The following ARL15 variants were observed in gnomAD, a reference collection of about 807,000 sequenced individuals.
ARL15 encodes the protein ARF like GTPase 15.
Under a neutral mutation model 25.2 loss-of-function variants are expected in ARL15, and 19 were observed. The ratio of observed to expected loss-of-function variants is 0.75; its 90% CI spans 0.53 to 1.10. ARL15 has a LOEUF of 1.10. ARL15 is among the 50% of genes least tolerant of loss of function. ARL15 has a pLI of 0.00. For synonymous variants in ARL15, 94 were observed against 86.8 expected, an observed-to-expected ratio of 1.08 and a Z score of -0.46; for missense variants, 220 against 246.0, an observed-to-expected ratio of 0.89 and a Z score of 0.71.
intron 2 of ARL15, among the ~76,000 whole-genome samples, chr5:54,170,191 T>A (rs933236799): frequency 1.3e-5 from 2 of 152,090 alleles, no homozygotes; most frequent in African/African-American, 4.8e-5. Flanking sequence ...CCAACTACAC[T>A]AGGCTTTGTC....
intron 4 of ARL15, among the ~76,000 whole-genome samples, chr5:53,892,507 C>T (rs912425711): frequency 3.3e-5 from 5 of 152,050 alleles, no homozygotes; most frequent in African/African-American, 1.2e-4. Context: ...TACACAGTGT[C>T]CATTGCATGG....
intron 1 of ARL15, among the ~76,000 whole-genome samples, chr5:54,194,673 G>A (rs1452367311): frequency 1.3e-5 from 2 of 152,156 alleles, no homozygotes; most frequent in African/African-American, 4.8e-5. Flanking sequence ...TAGCTTTGTG[G>A]TAACGTGAGG....
intron 1 of ARL15, among the ~76,000 whole-genome samples, chr5:54,195,476 C>G (rs1303363209): frequency 6.6e-6 from 1 of 152,180 alleles, no homozygotes; most frequent in Non-Finnish European, 1.5e-5. Context: ...ACTAATCTGA[C>G]AGTTGGCCCA....
intron 1 of ARL15, among the ~76,000 whole-genome samples, chr5:54,265,200 C>T (rs191272649): frequency 6.6e-6 from 1 of 152,184 alleles, no homozygotes; most frequent in Non-Finnish European, 1.5e-5. Context: ...TCCCTTTCAA[C>T]ATTTTTGCTT....
chr5:54,156,402 A>C (rs1359616104), intron 2 of ARL15, among the ~76,000 whole-genome samples: 1 of 152,230 alleles, frequency 6.6e-6, no homozygotes, highest in African/African-American at 2.4e-5. Flanking sequence ...AAGATAATGT[A>C]TGTGTTATGT....
intron 4 of ARL15, among the ~76,000 whole-genome samples, chr5:53,964,155 A>G (rs1341232798): frequency 6.6e-6 from 1 of 151,986 alleles, no homozygotes; most frequent in Non-Finnish European, 1.5e-5. Flanking sequence ...TTCCTCCCTC[A>G]TCTTGGACAG....
At chr5:54,180,019 A>G (rs1004611994) in intron 1 of ARL15, among the ~76,000 whole-genome samples, 1 of 18,388 alleles carries the variant, frequency 5.4e-5, no homozygotes, top group Non-Finnish European at 1.2e-4. Flanking sequence ...CTGTCTCGAG[A>G]AAAAAAAAAA....
intron 1 of ARL15, among the ~76,000 whole-genome samples, chr5:54,184,150 A>G (rs1755153033): frequency 7.7e-6 from 1 of 130,026 alleles, no homozygotes; most frequent in African/African-American, 2.9e-5. Flanking sequence ...CCTAATGCTA[A>G]ATGACGAATT....
chr5:54,230,679 T>C (rs1335289698), intron 1 of ARL15, among the ~76,000 whole-genome samples: 1 of 152,174 alleles, frequency 6.6e-6, no homozygotes, highest in Non-Finnish European at 1.5e-5. Flanking sequence ...AAGTCTTCCC[T>C]GTAATCCTGT....
At chr5:54,067,566 C>T (rs1561210409) in intron 4 of ARL15, among the ~76,000 whole-genome samples, 1 of 152,166 alleles carries the variant, frequency 6.6e-6, no homozygotes, top group Non-Finnish European at 1.5e-5. Flanking sequence ...TTTATTGATG[C>T]TATAAGGAAG....
chr5:54,291,687 AT>A (rs1758322406), intron 1 of ARL15, among the ~76,000 whole-genome samples: 2 of 152,172 alleles, frequency 1.3e-5, no homozygotes, highest in Non-Finnish European at 2.9e-5. Flanking sequence ...TGGAATGTGG[AT>A]GAGTCTCCTG....
At chr5:54,225,304 GA>G (rs1406171793) in intron 1 of ARL15, among the ~76,000 whole-genome samples, 1 of 152,162 alleles carries the variant, frequency 6.6e-6, no homozygotes, top group Non-Finnish European at 1.5e-5. Context: ...CTAGCGGAGA[GA>G]AGCAAAGCGC....
intron 4 of ARL15, among the ~76,000 whole-genome samples, chr5:54,035,524 A>G (rs955294662): frequency 2.6e-5 from 4 of 152,186 alleles, no homozygotes. Context: ...GGAAAACATA[A>G]CTCTTTTGAA....
At position 54,310,552 on chromosome 5, in the gene ARL15, A is replaced by C; in HGVS notation, c.-73T>G. On this transcript the variant is annotated 5_prime_UTR_variant, in exon 1 of 5. Coordinates refer to ENST00000504924, the MANE Select transcript of ARL15 (RefSeq NM_019087.3). Reference sequence around the variant, plus strand: ...GCAGCGTCTCTGGCTGCGAGCGAGCAGCTCCTGAAAAAGCCAGCAACAGCG... The same window carrying C: ...GCAGCGTCTCTGGCTGCGAGCGAGCCGCTCCTGAAAAAGCCAGCAACAGCG... The C allele has an allele frequency of 6.6e-7, 1 of 1,513,804 alleles. No individual in the cohort carries two copies. The highest frequency in any genetic ancestry group is 8.9e-7 in the Non-Finnish European group (1 of 1,119,488). 93.8% of individuals were successfully genotyped at this position (1,513,804 alleles called of 1,614,324 possible).
intron 4 of ARL15, among the ~76,000 whole-genome samples, chr5:53,952,725 T>C (rs966267336): frequency 1.3e-5 from 2 of 152,206 alleles, no homozygotes; most frequent in African/African-American, 4.8e-5. Context: ...AACTCTGTTA[T>C]TGTGCCAATG....
At chr5:53,962,192 T>A (rs1747391483) in intron 4 of ARL15, among the ~76,000 whole-genome samples, 1 of 152,200 alleles carries the variant, frequency 6.6e-6, no homozygotes, top group Non-Finnish European at 1.5e-5. Context: ...ATTTGTACTC[T>A]AGCTAACAGT....
chr5:53,897,757 CTTGA>C (rs1307612585), intron 4 of ARL15, among the ~76,000 whole-genome samples: 4 of 152,066 alleles, frequency 2.6e-5, no homozygotes, highest in Non-Finnish European at 4.4e-5. Context: ...ATAAACTATG[CTTGA>C]TTATCATATA....
intron 4 of ARL15, among the ~76,000 whole-genome samples, chr5:53,985,666 A>G (rs1748273142): frequency 6.6e-6 from 1 of 152,172 alleles, no homozygotes; most frequent in Non-Finnish European, 1.5e-5. Flanking sequence ...GCTTAATAAC[A>G]TTCCATTGCA....
At chr5:54,092,479 A>T (rs1300006320) in intron 4 of ARL15, among the ~76,000 whole-genome samples, 2 of 152,226 alleles carry the variant, frequency 1.3e-5, no homozygotes, top group Non-Finnish European at 2.9e-5. Flanking sequence ...CAAACAAAAA[A>T]TAAAAAATAG....
Sources: allele counts gnomAD v4.1 joint callset (sites outside exome capture counted in the v4.1 genomes callset), GRCh38; gene constraint gnomAD v4.1.1; transcripts MANE v1.5; gene names NCBI Gene and HGNC (gene_info 2026-07-23, HGNC 2026-07-21).